C12orf42: variants seen among roughly 807,000 people sequenced by gnomAD.
C12orf42 encodes chromosome 12 open reading frame 42.
A neutral mutation model predicts 21.6 loss-of-function variants in C12orf42; 25 were observed. The observed-to-expected ratio is 1.16, with a 90% CI of 0.84 to 1.62. The LOEUF (loss-of-function observed/expected upper bound fraction) is 1.62. C12orf42 is among the 40% of genes most tolerant of loss of function. The pLI, the probability that C12orf42 is intolerant of heterozygous loss-of-function variation, is 0.00. For synonymous variants in C12orf42, 174 were observed against 175.0 expected, an observed-to-expected ratio of 0.99 and a Z score of 0.05; for missense variants, 483 against 459.3, an observed-to-expected ratio of 1.05 and a Z score of -0.47.
At chr12:103,248,216 C>T (rs1003810380) in intron 10 of C12orf42, among the ~76,000 whole-genome samples, 1 of 151,886 alleles carries the variant, frequency 6.6e-6, no homozygotes, top group Admixed American at 6.6e-5. Flanking sequence ...CTTTGTAAAA[C>T]AATGAATCCA....
rs1299380393 is a variant in C12orf42, at chr12:103,401,620, G to A, written c.134C>T (p.Thr45Ile). 1.2e-6 allele frequency: 2 copies of A among 1,613,838 alleles called. No individual in the cohort carries two copies. The highest frequency in any genetic ancestry group is 1.7e-5 in the Admixed American group (1 of 59,998). Residue 45 changes from threonine to isoleucine, a missense_variant, in exon 3 of 6, where the codon ACA becomes ATA. By Grantham distance (89) the Thr-to-Ile change is moderately conservative. Coordinates refer to ENST00000548883, the MANE Select transcript of C12orf42 (RefSeq NM_198521.5). ...VSSATLWDRS[T>I]PSAKHIPCYE... The stretch of plus-strand genomic sequence containing the variant: ...CCGCTGACTCACCTTTGCACTGGGT[G>A]TGCTTCTATCCCACAGGGTGGCACT...
At chr12:103,501,624 T>A in the C12orf42 span, among the ~76,000 whole-genome samples, 1 of 152,200 alleles carries the variant, frequency 6.6e-6, no homozygotes, top group East Asian at 1.9e-4. Flanking sequence ...TGTTAAATTG[T>A]CCAGACTGTG....
chr12:103,097,948 T>C, the C12orf42 span, among the ~76,000 whole-genome samples: 7 of 152,236 alleles, frequency 4.6e-5, no homozygotes, highest in African/African-American at 1.4e-4. Context: ...TCATGTCCTA[T>C]TGTGAAAAGT....
intron 2 of C12orf42, among the ~76,000 whole-genome samples, chr12:103,440,334 A>G (rs1369456266): frequency 6.9e-6 from 1 of 144,156 alleles, no homozygotes; most frequent in Admixed American, 7.0e-5. Flanking sequence ...GGTGCAGCAC[A>G]CCAGCATGGC....
intron 3 of C12orf42, among the ~76,000 whole-genome samples, chr12:103,401,074 C>T (rs559321129): frequency 6.6e-6 from 1 of 152,288 alleles, no homozygotes; most frequent in South Asian, 2.1e-4. Flanking sequence ...TGACCATCTC[C>T]ATGTTCACAT....
At chr12:103,106,074 A>G in the C12orf42 span, among the ~76,000 whole-genome samples, 1 of 152,186 alleles carries the variant, frequency 6.6e-6, no homozygotes, top group Non-Finnish European at 1.5e-5. Context: ...ATACATCATA[A>G]TGAAACTGTA....
the C12orf42 span, among the ~76,000 whole-genome samples, chr12:103,111,224 G>C: frequency 1.3e-5 from 2 of 151,878 alleles, no homozygotes; most frequent in African/African-American, 4.8e-5. Context: ...AAAAACACTT[G>C]TTCTCTTTGA....
chr12:103,226,039 C>T, the C12orf42 span, among the ~76,000 whole-genome samples: 12 of 152,298 alleles, frequency 7.9e-5, no homozygotes, highest in Middle Eastern at 3.4e-3. Flanking sequence ...GTGAGTTGAA[C>T]AGTCCAATTT....
chr12:103,334,244 C>T lies in C12orf42; in HGVS notation c.260-27899G>A, dbSNP rs200433065. ...ACACAAACTCATTTCAGGAGATTGG[C>T]GTATCCTGAGTTTAAACCAGCTCTT... On this transcript the variant is annotated intron_variant, in intron 4 of 5. Coordinates refer to ENST00000548883, the MANE Select transcript of C12orf42 (RefSeq NM_198521.5). 4.6e-5 allele frequency among the ~76,000 whole-genome samples: 7 copies of T among 152,218 alleles called. No individual in the cohort carries two copies. The East Asian group carries it at 1.4e-3, about 29-fold the overall frequency.
the C12orf42 span, among the ~76,000 whole-genome samples, chr12:103,149,060 C>T: frequency 6.6e-6 from 1 of 152,278 alleles, no homozygotes; most frequent in South Asian, 2.1e-4. Context: ...AGGTGGCCCA[C>T]ATACCCAACT....
At chr12:103,373,526 A>C (rs894889816) in intron 3 of C12orf42, among the ~76,000 whole-genome samples, 3 of 152,142 alleles carry the variant, frequency 2.0e-5, no homozygotes, top group Non-Finnish European at 2.9e-5. Flanking sequence ...GTAGCCAATG[A>C]AGGCATATTT....
intron 2 of C12orf42, among the ~76,000 whole-genome samples, chr12:103,421,416 T>TA (rs1269912731): frequency 6.6e-6 from 1 of 151,466 alleles, no homozygotes; most frequent in Admixed American, 6.6e-5. Flanking sequence ...CAAAATAAAA[T>TA]AAAAAATATT....
chr12:103,312,065 T>A (rs1007147220), intron 4 of C12orf42, among the ~76,000 whole-genome samples: 2 of 152,236 alleles, frequency 1.3e-5, no homozygotes, highest in Non-Finnish European at 2.9e-5. Flanking sequence ...AACTTGCATG[T>A]TCCTTTACAT....
the C12orf42 span, among the ~76,000 whole-genome samples, chr12:103,193,271 A>G: frequency 6.6e-6 from 1 of 151,846 alleles, no homozygotes; most frequent in Non-Finnish European, 1.5e-5. Context: ...ATAAGCACCT[A>G]TATTTAAAAA....
the C12orf42 span, among the ~76,000 whole-genome samples, chr12:103,229,338 C>A: frequency 1.3e-5 from 2 of 152,118 alleles, no homozygotes; most frequent in Non-Finnish European, 2.9e-5. Context: ...AGTACAGGCT[C>A]CAGGCAGAGT....
the C12orf42 span, among the ~76,000 whole-genome samples, chr12:103,537,379 C>T: frequency 6.6e-6 from 1 of 151,536 alleles, no homozygotes; most frequent in Admixed American, 6.6e-5. Flanking sequence ...TATCATATTC[C>T]ATGGAAGAAA....
At chr12:103,054,441 C>A in the C12orf42 span, among the ~76,000 whole-genome samples, 1 of 151,818 alleles carries the variant, frequency 6.6e-6, no homozygotes, top group Admixed American at 6.6e-5. Flanking sequence ...TATCCTGCAA[C>A]CTTGCTGAAC....
the C12orf42 span, among the ~76,000 whole-genome samples, chr12:103,232,546 T>A: frequency 6.6e-6 from 1 of 151,944 alleles, no homozygotes; most frequent in East Asian, 1.9e-4. Flanking sequence ...CCATGTCTAC[T>A]AAAAATACAA....
chr12:103,108,577 A>T, the C12orf42 span, among the ~76,000 whole-genome samples: 1 of 152,144 alleles, frequency 6.6e-6, no homozygotes, highest in African/African-American at 2.4e-5. Context: ...GTAATTATTT[A>T]AAAACTTTTA....
Sources: allele counts gnomAD v4.1 joint callset (sites outside exome capture counted in the v4.1 genomes callset), GRCh38; gene constraint gnomAD v4.1.1; transcripts MANE v1.5; gene names NCBI Gene and HGNC (gene_info 2026-07-23, HGNC 2026-07-21).